The following TAB2 variants were observed in gnomAD, a reference collection of about 807,000 sequenced individuals.
TAB2 encodes TGF-beta-activated kinase 1 and MAP3K7-binding protein 2.
Under a neutral mutation model 65.0 loss-of-function variants are expected in TAB2, and 3 were observed. That is an observed-to-expected ratio of 0.05 (90% CI 0.02 to 0.12). TAB2 has a LOEUF of 0.12. TAB2 is among the 10% of genes least tolerant of loss of function. TAB2 has a pLI of 1.00. For missense variants in TAB2, 623 were observed against 840.3 expected (o/e 0.74, Z 3.20); for synonymous variants, 298 against 285.1 (o/e 1.05, Z -0.46).
chr6:149,398,139 T>G (rs1402666317), intron 5 of TAB2, 77 bp downstream of exon 5: 1 of 1,176,458 alleles, frequency 8.5e-7, no homozygotes, highest in East Asian at 2.5e-5. Context: ...AAAAACAGAC[T>G]TATCAATCAT....
At chr6:149,374,370 A>G (rs959506057) in intron 2 of TAB2, among the ~76,000 whole-genome samples, 1 of 151,856 alleles carries the variant, frequency 6.6e-6, no homozygotes, top group Non-Finnish European at 1.5e-5. Context: ...CAGGTGTCCT[A>G]CTCTACCTGG....
chr6:149,362,991 A>G (rs1780904244), intron 1 of TAB2, among the ~76,000 whole-genome samples: 1 of 152,198 alleles, frequency 6.6e-6, no homozygotes, highest in Admixed American at 6.5e-5. Context: ...TTGGTCACAA[A>G]TGATTAATAT....
intron 1 of TAB2, among the ~76,000 whole-genome samples, chr6:149,357,430 A>AAAAAAACACACACACACAC: frequency 0.039 from 4,322 of 110,388 alleles, 176 homozygotes; most frequent in Non-Finnish European, 0.053. Flanking sequence ...AGAAAAAAAA[A>AAAAAAACACACACACACAC]ACACACACAC....
intron 1 of TAB2, among the ~76,000 whole-genome samples, chr6:149,278,561 G>A (rs1778517950): frequency 6.6e-6 from 1 of 152,200 alleles, no homozygotes; most frequent in South Asian, 2.1e-4. Flanking sequence ...GGTATCATTT[G>A]AGATAGTCTT....
At chr6:149,365,080 C>G (rs1032891177) in intron 1 of TAB2, among the ~76,000 whole-genome samples, 3 of 152,106 alleles carry the variant, frequency 2.0e-5, no homozygotes, top group Non-Finnish European at 4.4e-5. Context: ...CCTCCTAGAT[C>G]ATTTTAGCTG....
intron 1 of TAB2, among the ~76,000 whole-genome samples, chr6:149,235,496 T>C (rs536718098): frequency 1.3e-5 from 2 of 152,264 alleles, no homozygotes; most frequent in Admixed American, 1.3e-4. Context: ...AAGTTTGAGG[T>C]AGCAGCCTTG....
chr6:149,394,623 CA>C (rs1583155694), intron 3 of TAB2, among the ~76,000 whole-genome samples: 2 of 152,136 alleles, frequency 1.3e-5, no homozygotes, highest in African/African-American at 4.8e-5. Flanking sequence ...TCAATTTAGT[CA>C]GGAGTGGAGC....
intron 1 of TAB2, among the ~76,000 whole-genome samples, chr6:149,334,827 A>G (rs1286341300): frequency 6.6e-6 from 1 of 152,190 alleles, no homozygotes; most frequent in Non-Finnish European, 1.5e-5. Context: ...AAACTTTGCC[A>G]TTGATTATAT....
chr6:149,305,846 C>G (rs1327123985), intron 1 of TAB2, among the ~76,000 whole-genome samples: 1 of 152,134 alleles, frequency 6.6e-6, no homozygotes, highest in African/African-American at 2.4e-5. Context: ...TTTACAATAG[C>G]AAGCATTTCC....
intron 6 of TAB2, chr6:149,400,659 C>G: frequency 6.2e-7 from 1 of 1,614,058 alleles, no homozygotes; most frequent in Non-Finnish European, 8.5e-7. Flanking sequence ...GTTTCAACAG[C>G]CTACGGGAGG....
At chr6:149,254,033 AAG>A (rs1214263917) in intron 1 of TAB2, among the ~76,000 whole-genome samples, 10 of 149,138 alleles carry the variant, frequency 6.7e-5, no homozygotes, top group East Asian at 6.0e-4. Context: ...AAAAGAAAGA[AAG>A]AGAGAAAGAA....
chr6:149,238,453 C>T (rs1777539031), intron 1 of TAB2, among the ~76,000 whole-genome samples: 1 of 152,158 alleles, frequency 6.6e-6, no homozygotes, highest in African/African-American at 2.4e-5. Flanking sequence ...CAAGGCACAG[C>T]AAACCTACTA....
chr6:149,367,727 G>A (rs933084885), intron 1 of TAB2, among the ~76,000 whole-genome samples: 1 of 152,028 alleles, frequency 6.6e-6, no homozygotes, highest in Admixed American at 6.6e-5. Flanking sequence ...GGGAAAAATT[G>A]GTTAGATTAA....
At chr6:149,231,603 C>T (rs1777407925) in intron 1 of TAB2, among the ~76,000 whole-genome samples, 1 of 152,288 alleles carries the variant, frequency 6.6e-6, no homozygotes, top group South Asian at 2.1e-4. Flanking sequence ...CACTTAATCA[C>T]TGCATATGTA....
chr6:149,293,224 C>T (rs1778808687), intron 1 of TAB2, among the ~76,000 whole-genome samples: 1 of 152,036 alleles, frequency 6.6e-6, no homozygotes, highest in African/African-American at 2.4e-5. Context: ...GGAATTATTT[C>T]ATTTAGAAAA....
intron 3 of TAB2, among the ~76,000 whole-genome samples, chr6:149,392,485 A>G (rs187922917): frequency 2.6e-5 from 4 of 152,304 alleles, no homozygotes; most frequent in East Asian, 1.9e-4. Flanking sequence ...CGATATACAG[A>G]TAGCTACTTA....
intron 1 of TAB2, among the ~76,000 whole-genome samples, chr6:149,297,052 TC>T (rs1401885688): frequency 6.6e-6 from 1 of 151,256 alleles, no homozygotes; most frequent in Non-Finnish European, 1.5e-5. Context: ...TTCTCATTCA[TC>T]CTCTCTATCT....
intron 1 of TAB2, chr6:149,253,036 T>C (rs1353725185): frequency 1.3e-5 from 2 of 152,242 alleles, no homozygotes; most frequent in East Asian, 1.9e-4. Context: ...TACTTACTGT[T>C]GGGATTTTCT....
At chr6:149,306,204 G>A (rs948683693) in intron 1 of TAB2, among the ~76,000 whole-genome samples, 11 of 152,116 alleles carry the variant, frequency 7.2e-5, no homozygotes, top group South Asian at 4.2e-4. Flanking sequence ...TCAAGAGTTC[G>A]AGACCAGCCT....
Sources: allele counts gnomAD v4.1 joint callset (sites outside exome capture counted in the v4.1 genomes callset), GRCh38; gene constraint gnomAD v4.1.1; transcripts MANE v1.5; gene names NCBI Gene and HGNC (gene_info 2026-07-23, HGNC 2026-07-21).